MCU: variants seen among roughly 807,000 people sequenced by gnomAD.
MCU encodes mitochondrial calcium uniporter.
MCU carries 12 observed loss-of-function variants against 45.2 expected under a neutral mutation model. The observed-to-expected ratio is 0.27, with a 90% CI of 0.17 to 0.43. The LOEUF (loss-of-function observed/expected upper bound fraction) is 0.43, where lower values mean the gene tolerates loss of function less well. MCU is among the 20% of genes least tolerant of loss of function. MCU has a pLI of 1.00. For synonymous variants in MCU, 160 were observed against 165.1 expected, an observed-to-expected ratio of 0.97 and a Z score of 0.24; for missense variants, 324 against 436.7, an observed-to-expected ratio of 0.74 and a Z score of 2.30.
chr10:72,828,466 C>G (rs1335244567), intron 1 of MCU, among the ~76,000 whole-genome samples: 1 of 152,088 alleles, frequency 6.6e-6, no homozygotes, highest in Non-Finnish European at 1.5e-5. Context: ...CTTTCTCTTT[C>G]TCTCTCCCCC....
chr10:72,752,279 A>G (rs1843513410), intron 1 of MCU, among the ~76,000 whole-genome samples: 2 of 148,808 alleles, frequency 1.3e-5, no homozygotes, highest in South Asian at 2.1e-4. Flanking sequence ...TTTTAATACT[A>G]GAGACAGGGT....
chr10:72,772,067 T>C (rs971500099), intron 1 of MCU, among the ~76,000 whole-genome samples: 1 of 152,142 alleles, frequency 6.6e-6, no homozygotes, highest in Non-Finnish European at 1.5e-5. Flanking sequence ...CCTTAACCTG[T>C]GGGAAGCACA....
intron 1 of MCU, among the ~76,000 whole-genome samples, chr10:72,781,084 G>A (rs1000614027): frequency 6.6e-6 from 1 of 152,142 alleles, no homozygotes; most frequent in Non-Finnish European, 1.5e-5. Flanking sequence ...TAAAGAATTG[G>A]AACACTGTAG....
chr10:72,780,552 T>TGTGTGTGTGTGGG (rs770728826), intron 1 of MCU, among the ~76,000 whole-genome samples: 3 of 20,304 alleles, frequency 1.5e-4, no homozygotes, highest in African/African-American at 3.0e-4. Context: ...GTGTGTGTGT[T>TGTGTGTGTGTGGG]GGGTGAATTT....
chr10:72,885,073 A>G (rs968415011), intron 7 of MCU, among the ~76,000 whole-genome samples: 1 of 151,780 alleles, frequency 6.6e-6, no homozygotes, highest in Admixed American at 6.6e-5. Context: ...CTTCTTGATG[A>G]TAGGGTTGTG....
chr10:72,816,927 A>G (rs1435595836), intron 1 of MCU, among the ~76,000 whole-genome samples: 1 of 152,004 alleles, frequency 6.6e-6, no homozygotes, highest in Non-Finnish European at 1.5e-5. Flanking sequence ...ATTGACTAAT[A>G]AAAAGTGTTC....
chr10:72,838,033 T>G (rs911693779), intron 2 of MCU, among the ~76,000 whole-genome samples: 7 of 151,800 alleles, frequency 4.6e-5, no homozygotes, highest in Non-Finnish European at 1.5e-5. Flanking sequence ...ATTTTTTTTT[T>G]TGTATATTTA....
intron 1 of MCU, among the ~76,000 whole-genome samples, chr10:72,744,563 G>T (rs1311141281): frequency 1.3e-5 from 2 of 152,208 alleles, no homozygotes; most frequent in African/African-American, 4.8e-5. Context: ...CCAGGAGGCG[G>T]AGGTTACAGT....
intron 1 of MCU, among the ~76,000 whole-genome samples, chr10:72,819,302 A>G (rs1241588343): frequency 6.6e-6 from 1 of 152,246 alleles, no homozygotes; most frequent in Non-Finnish European, 1.5e-5. Flanking sequence ...TAGAAGAGAA[A>G]GAAGAGGGGC....
Position 72,820,731 on chromosome 10 carries a change from C to T in MCU, c.151-13628C>T, listed in dbSNP as rs551924833. Among the ~76,000 whole-genome samples the T allele has an allele frequency of 6.6e-5, 10 of 152,200 alleles. No homozygotes were observed. The East Asian group carries it at 1.9e-3, about 29-fold the overall frequency. ...TTGGCCAGGCTGGCCAGGCTGGTCT[C>T]GAACTCCTGACCTCAGGTTATCCAC... On this transcript the variant is annotated intron_variant, in intron 1 of 7. Transcript: ENST00000373053.
At chr10:72,746,662 C>T (rs1348243305) in intron 1 of MCU, among the ~76,000 whole-genome samples, 1 of 152,186 alleles carries the variant, frequency 6.6e-6, no homozygotes, top group Non-Finnish European at 1.5e-5. Context: ...TTTGGGGATT[C>T]TGTGCTAATT....
intron 3 of MCU, 32 bp downstream of exon 3, chr10:72,859,379 A>G (rs761714571): frequency 6.4e-7 from 1 of 1,571,278 alleles, no homozygotes; most frequent in Non-Finnish European, 8.7e-7. Flanking sequence ...ATTACCATCT[A>G]TCCCTCATTT....
intron 1 of MCU, among the ~76,000 whole-genome samples, chr10:72,757,974 A>G (rs1830384576): frequency 6.6e-6 from 1 of 152,254 alleles, no homozygotes; most frequent in South Asian, 2.1e-4. Context: ...TGAATTTTCC[A>G]GAAGTGACAA....
At chr10:72,701,612 C>T (rs1372979157) in intron 1 of MCU, among the ~76,000 whole-genome samples, 7 of 152,006 alleles carry the variant, frequency 4.6e-5, no homozygotes, top group East Asian at 1.9e-4. Flanking sequence ...CTGCAAGCTC[C>T]GCCTCCCAGG....
rs372078231 is a variant in MCU, at chr10:72,740,149, C to T, written c.150+47848C>T. Among the ~76,000 whole-genome samples the T allele has an allele frequency of 2.2e-4, 34 of 151,738 alleles. No homozygotes were observed. In the East Asian group the frequency reaches 4.3e-3, roughly 19 times the overall value. Reference sequence around the variant, plus strand: ...GTAATCCCAGCACTTTGGGAGGCTGCGGTGGGCGGATCACAAGGTCAGGAG... The same window carrying T: ...GTAATCCCAGCACTTTGGGAGGCTGTGGTGGGCGGATCACAAGGTCAGGAG... On this transcript the variant is annotated intron_variant, in intron 1 of 7. Transcript: ENST00000373053.
At chr10:72,796,496 C>T (rs897707015) in intron 1 of MCU, among the ~76,000 whole-genome samples, 8 of 152,048 alleles carry the variant, frequency 5.3e-5, no homozygotes, top group Non-Finnish European at 1.2e-4. Flanking sequence ...GAATACAAAG[C>T]CAGAGCTTTA....
intron 1 of MCU, chr10:72,756,953 A>AT (rs1218375973): frequency 6.6e-6 from 1 of 151,856 alleles, no homozygotes; most frequent in Non-Finnish European, 1.5e-5. Context: ...CAGGAGGATT[A>AT]TTCGAACTCA....
At chr10:72,867,603 C>A (rs933157291) in intron 4 of MCU, among the ~76,000 whole-genome samples, 23 of 151,994 alleles carry the variant, frequency 1.5e-4, no homozygotes, top group African/African-American at 4.8e-4. Flanking sequence ...CCTGTAATCC[C>A]AGCATTTTAG....
chr10:72,728,776 A>G (rs979093972), intron 1 of MCU, among the ~76,000 whole-genome samples: 1 of 152,148 alleles, frequency 6.6e-6, no homozygotes, highest in African/African-American at 2.4e-5. Flanking sequence ...TGACTTGTTG[A>G]GAGTAGGGAT....
Sources: gnomAD v4.1 joint callset for allele counts (sites outside exome capture counted in the v4.1 genomes callset) on GRCh38, gnomAD v4.1.1 for gene constraint, MANE v1.5 for transcripts, NCBI Gene and HGNC (gene_info 2026-07-23, HGNC 2026-07-21) for gene names.